Variants in ADGRA1 observed in about 807,000 individuals in gnomAD.
ADGRA1 encodes the protein adhesion G protein-coupled receptor A1.
ADGRA1 carries 12 observed loss-of-function variants against 21.3 expected under a neutral mutation model. The observed-to-expected ratio is 0.56, with a 90% confidence interval of 0.36 to 0.91. ADGRA1 has a LOEUF of 0.91. Ranked by LOEUF, ADGRA1 falls within the 40% of genes least tolerant of loss-of-function variation. The pLI is 0.01. For missense variants in ADGRA1, 790 were observed against 805.6 expected (o/e 0.98, Z 0.23); for synonymous variants, 385 against 368.8 (o/e 1.04, Z -0.50).
At chr10:133,104,083 C>T (rs1460031499) in intron 5 of ADGRA1, among the ~76,000 whole-genome samples, 1 of 152,232 alleles carries the variant, frequency 6.6e-6, no homozygotes, top group Non-Finnish European at 1.5e-5. Flanking sequence ...CCGGCACTGT[C>T]CCGTCCAAAA....
intron 5 of ADGRA1, among the ~76,000 whole-genome samples, chr10:133,110,999 T>A (rs937837857): frequency 3.9e-5 from 6 of 152,100 alleles, no homozygotes; most frequent in Non-Finnish European, 8.8e-5. Flanking sequence ...TAAGTGGAAA[T>A]GTGGCTGAAC....
intron 5 of ADGRA1, among the ~76,000 whole-genome samples, chr10:133,106,965 A>C (rs1271423037): frequency 6.6e-6 from 1 of 152,264 alleles, no homozygotes. Flanking sequence ...ACGTCTTCCA[A>C]TTCGTGAGCA....
At chr10:133,122,310 C>T (rs2135905279) in intron 5 of ADGRA1, among the ~76,000 whole-genome samples, 1 of 152,298 alleles carries the variant, frequency 6.6e-6, no homozygotes, top group African/African-American at 2.4e-5. Context: ...CAGGACCACA[C>T]CTGCAGTCTG....
At chr10:133,090,729 G>A (rs1366977427) in intron 2 of ADGRA1, among the ~76,000 whole-genome samples, 3 of 145,268 alleles carry the variant, frequency 2.1e-5, no homozygotes, top group East Asian at 3.9e-4. Flanking sequence ...GGCTCCTGAC[G>A]CCTGCCAGGG....
Position 133,127,293 on chromosome 10 carries a change from C to T in ADGRA1, c.462C>T (p.Asn154=). Residue 154 remains asparagine (N), a synonymous_variant, in exon 6 of 7, where the codon AAC becomes AAT. Coordinates refer to ENST00000392607, the MANE Select transcript of ADGRA1 (RefSeq NM_001083909.3). ...FIICGVTAAT[N]IRNYGTEDED... ...TCTGTGGGGTCACGGCTGCCACGAACATCAGGAATTACGGGACAGAGGACG... is the reference window on the plus strand; with the variant it reads ...TCTGTGGGGTCACGGCTGCCACGAATATCAGGAATTACGGGACAGAGGACG... 1 of 1,599,952 alleles carries T rather than the reference C, an allele frequency of 6.3e-7. No homozygotes were observed. Among genetic ancestry groups the T allele is most frequent in the Non-Finnish European group, 8.5e-7 (1 of 1,174,434 alleles).
At chr10:133,118,501 C>CTT (rs1852197363) in intron 5 of ADGRA1, among the ~76,000 whole-genome samples, 1 of 152,164 alleles carries the variant, frequency 6.6e-6, no homozygotes, top group African/African-American at 2.4e-5. Context: ...GAAGGGGAGG[C>CTT]CTCAGGAAAC....
intron 5 of ADGRA1, among the ~76,000 whole-genome samples, chr10:133,119,934 A>G (rs1307344963): frequency 1.3e-5 from 2 of 152,152 alleles, no homozygotes; most frequent in Non-Finnish European, 2.9e-5. Flanking sequence ...AGGCCCTGGG[A>G]TTTTCAGAAT....
intron 5 of ADGRA1, among the ~76,000 whole-genome samples, chr10:133,122,996 C>A (rs981957347): frequency 2.0e-5 from 3 of 152,230 alleles, no homozygotes; most frequent in East Asian, 3.8e-4. Flanking sequence ...GTAGCTGGGG[C>A]TCCCCATGTC....
chr10:133,129,383 T>G lies in ADGRA1; in HGVS notation c.1555T>G (p.Ser519Ala). Residue 519 changes from serine (S) to alanine (A), a missense_variant, in exon 7 of 7, where the codon TCC becomes GCC. By Grantham distance (99) the Ser-to-Ala change is moderately conservative. Coordinates refer to ENST00000392607, the MANE Select transcript of ADGRA1 (RefSeq NM_001083909.3). ...GHLEMLRRTQSLPFGGPSQNG... is the reference protein window; with the variant it reads ...GHLEMLRRTQALPFGGPSQNG... The stretch of plus-strand genomic sequence containing the variant: ...CTTGGAGATGCTGCGGAGGACACAG[T>G]CCCTGCCCTTTGGTGGCCCCAGCCA... 6.2e-7 allele frequency: 1 copy of G among 1,604,476 alleles called. No homozygotes were observed. Among genetic ancestry groups the G allele is most frequent in the South Asian group, 1.1e-5 (1 of 90,370 alleles).
intron 3 of ADGRA1, 66 bp downstream of exon 3, chr10:133,097,167 G>A (rs965551689): frequency 7.0e-6 from 11 of 1,578,706 alleles, no homozygotes; most frequent in African/African-American, 1.3e-5. Flanking sequence ...TCAAAGGCAA[G>A]TCCCTGAAGG....
At chr10:133,104,235 G>C (rs1851853019) in intron 5 of ADGRA1, among the ~76,000 whole-genome samples, 3 of 152,242 alleles carry the variant, frequency 2.0e-5, no homozygotes, top group Admixed American at 2.0e-4. Context: ...AGCAACCAGG[G>C]CTGGGTGGTG....
intron 5 of ADGRA1, among the ~76,000 whole-genome samples, chr10:133,113,998 C>T (rs1268294491): frequency 6.6e-6 from 1 of 152,246 alleles, no homozygotes; most frequent in Non-Finnish European, 1.5e-5. Context: ...CAGGACCTGG[C>T]ATCTCACACT....
At chr10:133,092,809 AGGGAG>A (rs1851621351) in intron 2 of ADGRA1, among the ~76,000 whole-genome samples, 1 of 49,950 alleles carries the variant, frequency 2.0e-5, no homozygotes, top group African/African-American at 1.2e-4. Context: ...GAGGGAGGGA[AGGGAG>A]GGAAGGAAGG....
intron 5 of ADGRA1, among the ~76,000 whole-genome samples, chr10:133,111,405 C>G (rs1411695559): frequency 1.2e-5 from 1 of 85,350 alleles, no homozygotes. Context: ...CCCTCCTAAT[C>G]CCACCAGACA....
rs761918574 is a variant in ADGRA1, at chr10:133,114,700, C to T, written c.401+11858C>T. 2.6e-5 allele frequency among the ~76,000 whole-genome samples: 4 copies of T among 152,212 alleles called. 1 individual carries two copies. The highest frequency in any genetic ancestry group is 9.6e-5 in the African/African-American group (4 of 41,452). ...CTAGCAGGAATTCTCAACCTCATTT[C>T]TCGGAATTCAGAAGTCACGGTTAAC... On this transcript the variant is annotated intron_variant, in intron 5 of 6. Transcript: ENST00000392607.
chr10:133,128,044 C>G lies in ADGRA1; in HGVS notation c.501-285C>G, dbSNP rs1234123746. On this transcript the variant is annotated intron_variant, in intron 6 of 6. Coordinates refer to ENST00000392607, the MANE Select transcript of ADGRA1 (RefSeq NM_001083909.3). ...ACCCACCCAGCTCTGTCCTTCCTGC[C>G]CCTGCCCACCCAGACCCGCCCTGCA... 3.6e-5 allele frequency among the ~76,000 whole-genome samples: 4 copies of G among 111,034 alleles called. No individual in the cohort carries two copies. The South Asian group carries it at 1.4e-3, about 39-fold the overall frequency. The allele number at this position is 111,034 out of a possible 152,430, so 72.8% of individuals were successfully genotyped here.
chr10:133,119,857 T>A (rs145864246), intron 5 of ADGRA1, among the ~76,000 whole-genome samples: 311 of 152,330 alleles, frequency 2.0e-3, no homozygotes, highest in African/African-American at 7.2e-3. Flanking sequence ...TCAACAGATG[T>A]GCTGTCACCA....
chr10:133,093,258 G>A (rs779842581), intron 2 of ADGRA1: 420 of 1,579,764 alleles, frequency 2.7e-4, no homozygotes, highest in Non-Finnish European at 3.5e-4. Flanking sequence ...GCTGCAGAAA[G>A]GTTAAGTTTT....
chr10:133,124,987 A>T (rs976775082), intron 5 of ADGRA1, among the ~76,000 whole-genome samples: 3 of 151,684 alleles, frequency 2.0e-5, no homozygotes. Flanking sequence ...GTCCTGCACC[A>T]CTCCTGTGTG....
Sources: gnomAD v4.1 joint callset for allele counts (sites outside exome capture counted in the v4.1 genomes callset) on GRCh38, gnomAD v4.1.1 for gene constraint, MANE v1.5 for transcripts, NCBI Gene and HGNC (gene_info 2026-07-23, HGNC 2026-07-21) for gene names.